Variants in SPART observed in about 807,000 individuals in gnomAD.
SPART encodes spartin.
In SPART, 35 loss-of-function variants were observed where a neutral mutation model predicts 58.7. That is an observed-to-expected ratio of 0.60 (90% CI 0.46 to 0.79). The LOEUF (loss-of-function observed/expected upper bound fraction) is 0.79, where lower values mean the gene tolerates loss of function less well. SPART is among the 30% of genes least tolerant of loss of function. The pLI is 0.00. For synonymous variants in SPART, 284 were observed against 280.7 expected (o/e 1.01, Z -0.12); for missense variants, 730 against 786.1 (o/e 0.93, Z 0.85).
At chr13:36,353,699 C>T (rs1395197591) in intron 1 of SPART, among the ~76,000 whole-genome samples, 1 of 152,114 alleles carries the variant, frequency 6.6e-6, no homozygotes, top group Admixed American at 6.6e-5. Context: ...CACACCAGAA[C>T]TGTAATTAGG....
intron 5 of SPART, among the ~76,000 whole-genome samples, chr13:36,318,523 C>T (rs1033206375): frequency 7.9e-5 from 12 of 152,318 alleles, no homozygotes; most frequent in Admixed American, 7.2e-4. Flanking sequence ...AAATTAAATT[C>T]TGGCCCTCAA....
chr13:36,306,572 T>TA (rs776206259), intron 8 of SPART, among the ~76,000 whole-genome samples: 53 of 152,306 alleles, frequency 3.5e-4, no homozygotes, highest in Non-Finnish European at 6.5e-4. Context: ...GAATGTTCCC[T>TA]ATTCCACTGA....
At position 36,331,396 on chromosome 13, in the gene SPART, T is replaced by A; in HGVS notation, c.1008+3A>T. ...TCACCCTAAAGATGATCACACAAGT[T>A]ACCTGGAGCCGAAGGTCAGACATTT... is the stretch of plus-strand genomic sequence containing the variant. On this transcript the variant is annotated splice_donor_region_variant and intron_variant, in intron 3 of 8. Transcript: ENST00000438666. 6.2e-7 allele frequency: 1 copy of A among 1,613,852 alleles called. No homozygotes were observed. Among genetic ancestry groups the A allele is most frequent in the Non-Finnish European group, 8.5e-7 (1 of 1,179,770 alleles).
chr13:36,358,843 A>G (rs147025913), intron 1 of SPART, among the ~76,000 whole-genome samples: 1 of 152,364 alleles, frequency 6.6e-6, no homozygotes, highest in African/African-American at 2.4e-5. Flanking sequence ...AGAATAAGTT[A>G]AAGGACTTTT....
chr13:36,344,677 A>T (rs1203675527), intron 1 of SPART, among the ~76,000 whole-genome samples: 6 of 151,986 alleles, frequency 3.9e-5, no homozygotes, highest in African/African-American at 1.2e-4. Flanking sequence ...ATGGTGACTT[A>T]AAAAAAAGCC....
At position 36,304,255 on chromosome 13, in the gene SPART, G is replaced by T; in HGVS notation, c.*110C>A. 3 of 1,284,196 alleles carry T rather than the reference G, an allele frequency of 2.3e-6. No individual in the cohort carries two copies. The highest frequency in any genetic ancestry group is 1.5e-5 in the African/African-American group (1 of 68,290). 79.6% of individuals were successfully genotyped at this position (1,284,196 alleles called of 1,614,324 possible). A position where few individuals can be genotyped will look rare whatever the true frequency, so the allele number is the denominator to read the frequency against. ...TTTATGAAAGTTAATTTGTAGGAATGAATACATTTAAAAAATACTGGTTAA... is the reference window on the plus strand; with the variant it reads ...TTTATGAAAGTTAATTTGTAGGAATTAATACATTTAAAAAATACTGGTTAA... On this transcript the variant is annotated 3_prime_UTR_variant, in exon 9 of 9. Transcript: ENST00000438666.
At chr13:36,356,263 G>A (rs988261113) in intron 1 of SPART, among the ~76,000 whole-genome samples, 3 of 152,148 alleles carry the variant, frequency 2.0e-5, no homozygotes, top group Non-Finnish European at 2.9e-5. Flanking sequence ...CTGGCTGGTC[G>A]AGGCCGTGCT....
chr13:36,369,088 T>C (rs9531901), intron 1 of SPART, among the ~76,000 whole-genome samples: 106,472 of 152,198 alleles, frequency 0.7, 37,438 homozygotes, highest in East Asian at 0.81. Context: ...AGCTATTGAT[T>C]TTCTTCCAAG....
intron 1 of SPART, among the ~76,000 whole-genome samples, chr13:36,352,354 T>C (rs1329498593): frequency 1.3e-5 from 2 of 152,222 alleles, no homozygotes; most frequent in East Asian, 1.9e-4. Flanking sequence ...ACTAGCTAAA[T>C]TGTACTTTTT....
chr13:36,327,913 G>A (rs995919664), intron 4 of SPART, among the ~76,000 whole-genome samples: 1 of 152,178 alleles, frequency 6.6e-6, no homozygotes, highest in African/African-American at 2.4e-5. Flanking sequence ...AGAATTGCTT[G>A]AACCCGGGAG....
intron 2 of SPART, among the ~76,000 whole-genome samples, chr13:36,332,232 C>A (rs1183160301): frequency 1.3e-5 from 2 of 152,212 alleles, no homozygotes; most frequent in Non-Finnish European, 2.9e-5. Context: ...TGGCTCACAC[C>A]TATAATCCCA....
chr13:36,365,530 G>T, intron 1 of SPART: 2 of 369,514 alleles, frequency 5.4e-6, no homozygotes, highest in Non-Finnish European at 1.1e-5. Context: ...TCTCTTCCTG[G>T]ATTTCTTCTC....
At position 36,339,425 on chromosome 13, in the gene SPART, A is replaced by G. The variant is rs553418607; in HGVS notation, c.-2-3593T>C. On this transcript the variant is annotated intron_variant, in intron 1 of 8. Coordinates refer to ENST00000438666, the MANE Select transcript of SPART (RefSeq NM_015087.5). ...TGAGGCGGGCAGATCACCTGAGGTC[A>G]GGAGCTCGAGACCAGCCTGACCAAT... 2.0e-5 allele frequency among the ~76,000 whole-genome samples: 3 copies of G among 152,070 alleles called. No homozygotes were observed. The South Asian group carries it at 6.2e-4, about 32-fold the overall frequency.
intron 1 of SPART, among the ~76,000 whole-genome samples, chr13:36,342,901 TC>T (rs1884715490): frequency 6.6e-6 from 1 of 152,174 alleles, no homozygotes; most frequent in Non-Finnish European, 1.5e-5. Context: ...TTCCCCAAGA[TC>T]CTTTCACAAT....
In SPART at chr13:36,302,741, G is replaced by C. The variant is rs149048779; in HGVS notation, c.*1624C>G. 2.6e-5 allele frequency: 4 copies of C among 152,062 alleles called. No individual in the cohort carries two copies. Among genetic ancestry groups the C allele is most frequent in the African/African-American group, 9.7e-5 (4 of 41,394 alleles). The allele number at this position is 152,062 out of a possible 1,614,324, so 9.4% of individuals were successfully genotyped here. A position where few individuals can be genotyped will look rare whatever the true frequency, so the allele number is the denominator to read the frequency against. ...TCAAGCATTCATTTGTGTTACAAAC[G>C]TCCCAATTACACTCTTTTATTTTTA... On this transcript the variant is annotated 3_prime_UTR_variant, in exon 9 of 9. Coordinates refer to ENST00000438666, the MANE Select transcript of SPART (RefSeq NM_015087.5).
chr13:36,314,568 T>C (rs2137337728), intron 5 of SPART, 147 bp from the exon 6 acceptor site: 1 of 803,278 alleles, frequency 1.2e-6, no homozygotes, highest in African/African-American at 1.7e-5. Context: ...CAAGCTAACT[T>C]TATACCTGCA....
intron 1 of SPART, among the ~76,000 whole-genome samples, chr13:36,364,795 T>G (rs1350595967): frequency 1.3e-5 from 2 of 152,180 alleles, no homozygotes; most frequent in Admixed American, 6.5e-5. Context: ...TTTGCAAAAG[T>G]TGACTTGACC....
chr13:36,366,691 C>T (rs559009991), intron 1 of SPART, among the ~76,000 whole-genome samples: 1 of 152,154 alleles, frequency 6.6e-6, no homozygotes, highest in Non-Finnish European at 1.5e-5. Flanking sequence ...AATACCCCTC[C>T]CTCTGTCTCT....
intron 2 of SPART, 136 bp downstream of exon 2, chr13:36,334,885 C>A: frequency 1.4e-6 from 1 of 690,994 alleles, no homozygotes; most frequent in South Asian, 1.9e-5. Context: ...CTCATAATTT[C>A]ATGGAATATA....
Sources: gnomAD v4.1 joint callset for allele counts (sites outside exome capture counted in the v4.1 genomes callset) on GRCh38, gnomAD v4.1.1 for gene constraint, MANE v1.5 for transcripts, NCBI Gene and HGNC (gene_info 2026-07-23, HGNC 2026-07-21) for gene names.